The following GSAP variants were observed in gnomAD, a reference collection of about 807,000 sequenced individuals.
GSAP encodes gamma-secretase activating protein.
GSAP carries 118 observed loss-of-function variants against 131.7 expected under a neutral mutation model. The ratio of observed to expected loss-of-function variants is 0.90; its 90% CI spans 0.77 to 1.04. The LOEUF (loss-of-function observed/expected upper bound fraction) is 1.04, where lower values mean the gene tolerates loss of function less well. Among genes scored for constraint, GSAP ranks in the 50% least tolerant of loss-of-function variants. The pLI is 0.00. For synonymous variants in GSAP, 381 were observed against 363.4 expected (o/e 1.05, Z -0.55); for missense variants, 1,019 against 1,013.2 (o/e 1.01, Z -0.08).
At chr7:77,356,654 G>A (rs958974955) in intron 14 of GSAP, among the ~76,000 whole-genome samples, 5 of 152,208 alleles carry the variant, frequency 3.3e-5, no homozygotes, top group African/African-American at 1.2e-4. Flanking sequence ...TACTCAGATG[G>A]AGACAAGGTA....
At chr7:77,332,743 C>A (rs1209774874) in intron 19 of GSAP, among the ~76,000 whole-genome samples, 1 of 152,158 alleles carries the variant, frequency 6.6e-6, no homozygotes, top group Non-Finnish European at 1.5e-5. Flanking sequence ...CACGAACTTA[C>A]ATGTTTTTTA....
intron 1 of GSAP, among the ~76,000 whole-genome samples, chr7:77,410,231 G>A (rs1803032889): frequency 6.6e-6 from 1 of 152,180 alleles, no homozygotes; most frequent in Non-Finnish European, 1.5e-5. Context: ...TGAATACCCT[G>A]CAGTTAAGTA....
chr7:77,355,945 CA>C (rs1793655929), intron 14 of GSAP, among the ~76,000 whole-genome samples: 1 of 151,888 alleles, frequency 6.6e-6, no homozygotes, highest in East Asian at 1.9e-4. Flanking sequence ...ACTGTGCCCA[CA>C]ACACCCCACT....
intron 12 of GSAP, among the ~76,000 whole-genome samples, chr7:77,371,871 A>C (rs1247315772): frequency 1.3e-5 from 2 of 152,244 alleles, no homozygotes; most frequent in African/African-American, 4.8e-5. Flanking sequence ...TGAGAATAGA[A>C]TAGTCACATG....
intron 5 of GSAP, among the ~76,000 whole-genome samples, chr7:77,390,923 T>G (rs1279327958): frequency 8.6e-6 from 1 of 116,388 alleles, no homozygotes; most frequent in Admixed American, 1.2e-4. Flanking sequence ...CACTCCAGCC[T>G]GGTGACAGAG....
intron 8 of GSAP, among the ~76,000 whole-genome samples, chr7:77,379,368 T>C (rs1306318909): frequency 1.3e-5 from 2 of 151,098 alleles, no homozygotes; most frequent in African/African-American, 4.9e-5. Flanking sequence ...GCATATTCTT[T>C]GCAACATCCC....
chr7:77,412,012 C>T (rs1803375081), intron 1 of GSAP, among the ~76,000 whole-genome samples: 2 of 152,166 alleles, frequency 1.3e-5, no homozygotes, highest in South Asian at 4.1e-4. Context: ...AACTCTGTCT[C>T]TACTAAAAAT....
intron 12 of GSAP, among the ~76,000 whole-genome samples, chr7:77,372,288 AC>A (rs1485882745): frequency 6.6e-6 from 1 of 152,254 alleles, no homozygotes; most frequent in African/African-American, 2.4e-5. Flanking sequence ...GAATTGTTGC[AC>A]ATGTTAATGC....
At chr7:77,333,336 C>T (rs995953665) in intron 19 of GSAP, among the ~76,000 whole-genome samples, 3 of 152,022 alleles carry the variant, frequency 2.0e-5, no homozygotes, top group Admixed American at 6.5e-5. Flanking sequence ...AAGATGGATT[C>T]GGGGCTCAGA....
chr7:77,412,906 G>A (rs895300919), intron 1 of GSAP, among the ~76,000 whole-genome samples: 1 of 152,048 alleles, frequency 6.6e-6, no homozygotes, highest in African/African-American at 2.4e-5. Context: ...ATTTGGCACT[G>A]CCCAGGAAAG....
intron 7 of GSAP, 41 bp from the exon 8 acceptor site, chr7:77,381,395 A>C (rs1429047643): frequency 4.7e-6 from 5 of 1,053,312 alleles, no homozygotes; most frequent in African/African-American, 1.6e-5. Flanking sequence ...AACCTTAAGG[A>C]AATATATGAG....
At position 77,314,417 on chromosome 7, in the gene GSAP, C is replaced by T. The variant is rs1794749836; in HGVS notation, c.2162G>A (p.Ser721Asn). ...TGTTTCAGTGAGAAGCAACACTCCACTGTCAATGCAATGCAGCAGGTTATG... is the reference window on the plus strand; with the variant it reads ...TGTTTCAGTGAGAAGCAACACTCCATTGTCAATGCAATGCAGCAGGTTATG... ...PLHNLLHCID[S>N]GVLLLTETAV... Residue 721 changes from serine to asparagine, a missense_variant, in exon 27 of 31, where the codon AGT (serine) becomes AAT (asparagine). Ser to Asn is a conservative substitution (Grantham distance 46). Coordinates refer to ENST00000257626, the MANE Select transcript of GSAP (RefSeq NM_017439.4). 6.2e-7 allele frequency: 1 copy of T among 1,613,782 alleles called. No homozygotes were observed.
At chr7:77,315,026 T>A (rs1289879375) in intron 26 of GSAP, 2 of 152,730 alleles carry the variant, frequency 1.3e-5, no homozygotes, top group Non-Finnish European at 2.9e-5. Flanking sequence ...AGGAATTCAA[T>A]TGAGAGGCAG....
Position 77,352,973 on chromosome 7 carries a change from G to C in GSAP, c.1462C>G (p.Pro488Ala). Residue 488 changes from proline (P) to alanine (A), a missense_variant, in exon 18 of 31, where the codon CCA (proline) becomes GCA (alanine). Physicochemically the swap from Pro to Ala is conservative, Grantham distance 27 (BLOSUM62 -1). Transcript: ENST00000257626. ...TTCCAAGTGAGCACTGAGGAATGTG[G>C]CAATAGTTTGTCCATGTTACTTGTC... ...SETSNMDKLL[P>A]HSSVLTWNTE... 1 of 1,603,682 alleles carries C rather than the reference G, an allele frequency of 6.2e-7. No individual in the cohort carries two copies. Among genetic ancestry groups the C allele is most frequent in the Non-Finnish European group, 8.5e-7 (1 of 1,170,700 alleles).
At chr7:77,388,870 A>G (rs756328461) in intron 5 of GSAP, among the ~76,000 whole-genome samples, 2 of 151,954 alleles carry the variant, frequency 1.3e-5, no homozygotes, top group African/African-American at 2.4e-5. Flanking sequence ...AAAAGACAGT[A>G]AGTGAGTTAT....
intron 1 of GSAP, among the ~76,000 whole-genome samples, chr7:77,409,494 G>T (rs943834982): frequency 6.6e-6 from 1 of 152,076 alleles, no homozygotes; most frequent in African/African-American, 2.4e-5. Flanking sequence ...CTAGAAAAAG[G>T]TAAACAGAAC....
chr7:77,355,658 G>A lies in GSAP; in HGVS notation c.1028-11C>T, dbSNP rs1793578457. 4 of 1,425,428 alleles carry A rather than the reference G, an allele frequency of 2.8e-6. No individual in the cohort carries two copies. The highest frequency in any genetic ancestry group is 3.4e-5 in the Admixed American group (2 of 59,562). The allele number at this position is 1,425,428 out of a possible 1,614,324, so 88.3% of individuals were successfully genotyped here. On this transcript the variant is annotated splice_polypyrimidine_tract_variant and intron_variant, in intron 14 of 30. Coordinates refer to ENST00000257626, the MANE Select transcript of GSAP (RefSeq NM_017439.4). ...CAGCCACATAATAGTCTATAGAAGA[G>A]AAAGATTTACATCATCTACATGTGG... is the stretch of plus-strand genomic sequence containing the variant.
At chr7:77,367,078 T>C (rs1217671731) in intron 12 of GSAP, among the ~76,000 whole-genome samples, 3 of 152,246 alleles carry the variant, frequency 2.0e-5, no homozygotes, top group Non-Finnish European at 2.9e-5. Context: ...TGATTTTGTA[T>C]CCTGAAAGTT....
intron 26 of GSAP, 126 bp from the exon 27 acceptor site, chr7:77,314,615 C>A: frequency 2.0e-6 from 2 of 1,010,852 alleles, no homozygotes; most frequent in Non-Finnish European, 2.9e-6. Context: ...AACTGAATTT[C>A]TTGAAAACAA....
Sources: allele counts gnomAD v4.1 joint callset (sites outside exome capture counted in the v4.1 genomes callset), GRCh38; gene constraint gnomAD v4.1.1; transcripts MANE v1.5; gene names NCBI Gene and HGNC (gene_info 2026-07-23, HGNC 2026-07-21).